XKR8: variants seen among roughly 807,000 people sequenced by gnomAD.
XKR8 encodes XK-related protein 8.
XKR8 carries 10 observed loss-of-function variants against 17.1 expected under a neutral mutation model. The ratio of observed to expected loss-of-function variants is 0.59; its 90% CI spans 0.36 to 0.99. The LOEUF is 0.99. XKR8 is among the 50% of genes least tolerant of loss of function. The pLI, the probability that XKR8 is intolerant of heterozygous loss-of-function variation, is 0.01. For missense variants in XKR8, 411 were observed against 515.6 expected (o/e 0.80, Z 1.96); for synonymous variants, 213 against 251.9 (o/e 0.85, Z 1.46).
In XKR8 at chr1:27,960,616, G is replaced by A. The variant is rs1455097196; in HGVS notation, c.293+254G>A. 1.3e-5 allele frequency among the ~76,000 whole-genome samples: 2 copies of A among 152,220 alleles called. No individual in the cohort carries two copies. Among genetic ancestry groups the A allele is most frequent in the Non-Finnish European group, 2.9e-5 (2 of 68,030 alleles). ...GCCCAGGGAAGAAAGGGAGGCGCAT[G>A]GGCTTTGAAGTCGGACCTCTCAGGG... On this transcript the variant is annotated intron_variant, in intron 1 of 2. Transcript: ENST00000373884. The surrounding 1 kb of genome is among the most constrained non-coding windows in gnomAD (Gnocchi z 5.9).
Position 27,960,342 on chromosome 1 carries a change from G to A in XKR8, c.273G>A (p.Leu91=), listed in dbSNP as rs895259963. The change falls in exon 1 of 3, where the codon CTG becomes CTA. Residue 91 remains leucine, a synonymous_variant. Transcript: ENST00000373884. The surrounding 1 kb of genome is among the most constrained non-coding windows in gnomAD (Gnocchi z 5.9). Reference sequence around the variant, plus strand: ...GCTGCCTGGCGCTGCTGCATCTCCTGCAGCTGGGTTACCTGTACAGGTGAG... The same window carrying A: ...GCTGCCTGGCGCTGCTGCATCTCCTACAGCTGGGTTACCTGTACAGGTGAG... ...PRRCLALLHL[L]QLGYLYRCVQ... The A allele has an allele frequency of 7.0e-7, 1 of 1,419,124 alleles. No homozygotes were observed. The highest frequency in any genetic ancestry group is 3.0e-5 in the Admixed American group (1 of 33,056). The allele number at this position is 1,419,124 out of a possible 1,614,324, so 87.9% of individuals were successfully genotyped here. A position where few individuals can be genotyped will look rare whatever the true frequency, so the allele number is the denominator to read the frequency against.
chr1:27,965,428 T>G lies in XKR8; in HGVS notation c.491-1075T>G, dbSNP rs1347187226. On this transcript the variant is annotated intron_variant, in intron 2 of 2. Transcript: ENST00000373884. The surrounding 1 kb of genome is among the most constrained non-coding windows in gnomAD (Gnocchi z 4.1). ...AGGAGCCCAGAGATAAGGAAATAGA[T>G]AATTACTGTGTGATGAGACTCCAGA... Among the ~76,000 whole-genome samples the G allele has an allele frequency of 1.3e-5, 2 of 152,126 alleles. No individual in the cohort carries two copies.
chr1:27,960,559 C>T lies in XKR8; in HGVS notation c.293+197C>T, dbSNP rs951918321. 8.5e-5 allele frequency among the ~76,000 whole-genome samples: 13 copies of T among 152,194 alleles called. No homozygotes were observed. Among genetic ancestry groups the T allele is most frequent in the African/African-American group, 3.1e-4 (13 of 41,466 alleles). On this transcript the variant is annotated intron_variant, in intron 1 of 2. Transcript: ENST00000373884. This position sits in a 1 kb window ranked among gnomAD's most constrained non-coding sequence, Gnocchi z 5.9. ...CCGGTAGACTGCCTTCATTCTAGCC[C>T]TAGCTTTCCTGGCACAGGCGAAGAA...
In XKR8 at chr1:27,966,695, A is replaced by G. The variant is rs1638578792; in HGVS notation, c.683A>G (p.Tyr228Cys). ...VALFSALFPSYVALHFLGLWL... is the reference protein window; with the variant it reads ...VALFSALFPSCVALHFLGLWL... Reference sequence around the variant, plus strand: ...CTGTTCTCAGCCCTCTTCCCCAGCTATGTGGCCCTGCACTTCCTGGGCCTG... The same window carrying G: ...CTGTTCTCAGCCCTCTTCCCCAGCTGTGTGGCCCTGCACTTCCTGGGCCTG... The change falls in exon 3 of 3, where the codon TAT becomes TGT. Residue 228 changes from tyrosine to cysteine, a missense_variant. Physicochemically the swap from Tyr to Cys is radical, Grantham distance 194 (BLOSUM62 -2). Coordinates refer to ENST00000373884, the MANE Select transcript of XKR8 (RefSeq NM_018053.4). This position sits in a 1 kb window ranked among gnomAD's most constrained non-coding sequence, Gnocchi z 4.3. 1 of 1,613,870 alleles carries G rather than the reference A, an allele frequency of 6.2e-7. No homozygotes were observed.
chr1:27,960,145 G>C lies in XKR8; in HGVS notation c.76G>C (p.Asp26His). 1 of 1,523,276 alleles carries C rather than the reference G, an allele frequency of 6.6e-7. No individual in the cohort carries two copies. Among genetic ancestry groups the C allele is most frequent in the Non-Finnish European group, 8.8e-7 (1 of 1,142,414 alleles). The allele number at this position is 1,523,276 out of a possible 1,614,324, so 94.4% of individuals were successfully genotyped here. ...GVLGTAAFLL[D>H]LGTDLWAAVQ... ...GCTGGGCACCGCCGCCTTCCTGCTC[G>C]ACCTGGGCACCGACCTGTGGGCCGC... Residue 26 changes from aspartate (D) to histidine (H), a missense_variant, in exon 1 of 3, where the codon GAC becomes CAC. Asp to His is a moderately conservative substitution (Grantham distance 81). Transcript: ENST00000373884. This position sits in a 1 kb window ranked among gnomAD's most constrained non-coding sequence, Gnocchi z 5.9.
chr1:27,966,528 G>T lies in XKR8; in HGVS notation c.516G>T (p.Leu172=). ...GGGTTGGCATCTGCACATCCTTCCT[G>T]GGCATCTCGTGGGCACTGCTCGACT... ...YQWVGICTSF[L]GISWALLDYH... The change falls in exon 3 of 3, where the codon CTG becomes CTT. Residue 172 remains leucine, a synonymous_variant. Coordinates refer to ENST00000373884, the MANE Select transcript of XKR8 (RefSeq NM_018053.4). This position sits in a 1 kb window ranked among gnomAD's most constrained non-coding sequence, Gnocchi z 4.3. 6.2e-7 allele frequency: 1 copy of T among 1,613,684 alleles called. No individual in the cohort carries two copies. The highest frequency in any genetic ancestry group is 8.5e-7 in the Non-Finnish European group (1 of 1,179,784).
chr1:27,960,078 G>A lies in XKR8; in HGVS notation c.9G>A (p.Trp3Ter). The A allele has an allele frequency of 6.8e-7, 1 of 1,461,652 alleles. No homozygotes were observed. The highest frequency in any genetic ancestry group is 1.3e-5 in the South Asian group (1 of 74,672). 90.5% of individuals were successfully genotyped at this position (1,461,652 alleles called of 1,614,324 possible). A position where few individuals can be genotyped will look rare whatever the true frequency, so the allele number is the denominator to read the frequency against. The change falls in exon 1 of 3, where the codon TGG (tryptophan) becomes TGA (stop). Residue 3 changes from tryptophan (W) to a stop codon, truncating the protein, a stop_gained. Transcript: ENST00000373884. LOFTEE classifies it high-confidence loss of function. The surrounding 1 kb of genome is among the most constrained non-coding windows in gnomAD (Gnocchi z 5.9). MP[W>*]SSRGALLRDL... ...GCGGAGGCCGGCGGGCCATGCCCTG[G>A]TCGTCCCGCGGCGCCCTCCTTCGGG... is the stretch of plus-strand genomic sequence containing the variant.
Position 27,966,780 on chromosome 1 carries a change from C to A in XKR8, c.768C>A (p.Ser256Arg). 6.2e-7 allele frequency: 1 copy of A among 1,613,938 alleles called. No homozygotes were observed. Among genetic ancestry groups the A allele is most frequent in the Non-Finnish European group, 8.5e-7 (1 of 1,179,940 alleles). Reference protein sequence around the residue: ...LQGTDFMPDPSSEWLYRVTVA... With the variant: ...LQGTDFMPDPRSEWLYRVTVA... ...GCACAGACTTCATGCCGGACCCCAGCTCCGAGTGGCTGTACCGGGTGACGG... is the reference window on the plus strand; with the variant it reads ...GCACAGACTTCATGCCGGACCCCAGATCCGAGTGGCTGTACCGGGTGACGG... The change falls in exon 3 of 3, where the codon AGC (serine) becomes AGA (arginine). Residue 256 changes from serine (S) to arginine (R), a missense_variant. Transcript: ENST00000373884. The surrounding 1 kb of genome is among the most constrained non-coding windows in gnomAD (Gnocchi z 4.3).
intron 2 of XKR8, among the ~76,000 whole-genome samples, chr1:27,963,908 A>T (rs1263424553): frequency 1.3e-5 from 2 of 152,230 alleles, no homozygotes; most frequent in African/African-American, 2.4e-5. Flanking sequence ...CTCATCTGAA[A>T]TATGGGCTTA....
rs1638613702 is a variant in XKR8, at chr1:27,967,932, C to T, written c.*732C>T. On this transcript the variant is annotated 3_prime_UTR_variant, in exon 3 of 3. Coordinates refer to ENST00000373884, the MANE Select transcript of XKR8 (RefSeq NM_018053.4). The surrounding 1 kb of genome is among the most constrained non-coding windows in gnomAD (Gnocchi z 4.3). ...AGAGCCTTGTGAGCCTGGTCTGAGC[C>T]TTGCACAGCCACTGAGTATTTTTTT... 6.5e-6 allele frequency: 1 copy of T among 152,686 alleles called. No individual in the cohort carries two copies. The highest frequency in any genetic ancestry group is 1.5e-5 in the Non-Finnish European group (1 of 68,066). 9.5% of individuals were successfully genotyped at this position (152,686 alleles called of 1,614,324 possible). A position where few individuals can be genotyped will look rare whatever the true frequency, so the allele number is the denominator to read the frequency against.
At chr1:27,963,822 C>G in intron 2 of XKR8, 129 bp downstream of exon 2, 1 of 1,006,074 alleles carries the variant, frequency 9.9e-7, no homozygotes, top group Non-Finnish European at 1.4e-6. Flanking sequence ...TCAGGCAGAT[C>G]TGGCTTGAAA....
chr1:27,966,965 T>C lies in XKR8; in HGVS notation c.953T>C (p.Leu318Pro). Residue 318 changes from leucine to proline, a missense_variant, in exon 3 of 3, where the codon CTG becomes CCG. Coordinates refer to ENST00000373884, the MANE Select transcript of XKR8 (RefSeq NM_018053.4). This position sits in a 1 kb window ranked among gnomAD's most constrained non-coding sequence, Gnocchi z 4.3. ...SWLPSGIPLQ[L>P]WLPVGCGCFF... ...CTGCCCAGCGGGATTCCACTGCAGC[T>C]GTGGCTGCCTGTGGGATGCGGCTGC... is the stretch of plus-strand genomic sequence containing the variant. 1.9e-6 allele frequency: 3 copies of C among 1,614,196 alleles called. No homozygotes were observed. The highest frequency in any genetic ancestry group is 3.3e-4 in the Middle Eastern group (2 of 6,062).
chr1:27,960,927 A>C lies in XKR8; in HGVS notation c.293+565A>C, dbSNP rs916591967. On this transcript the variant is annotated intron_variant, in intron 1 of 2. Transcript: ENST00000373884. This position sits in a 1 kb window ranked among gnomAD's most constrained non-coding sequence, Gnocchi z 5.9. ...TTGCTGTTCCCATTGGGATGGGGAT[A>C]GCGCCTGCCCGTTTGGTGAAGATGC... 6.6e-6 allele frequency among the ~76,000 whole-genome samples: 1 copy of C among 152,118 alleles called. No individual in the cohort carries two copies. The highest frequency in any genetic ancestry group is 2.4e-5 in the African/African-American group (1 of 41,426).
Position 27,960,770 on chromosome 1 carries a change from C to T in XKR8, c.293+408C>T, listed in dbSNP as rs954296863. On this transcript the variant is annotated intron_variant, in intron 1 of 2. Coordinates refer to ENST00000373884, the MANE Select transcript of XKR8 (RefSeq NM_018053.4). The surrounding 1 kb of genome is among the most constrained non-coding windows in gnomAD (Gnocchi z 5.9). ...GGGCAGGCCTGTTGTGAAGAGTGAG[C>T]GAAAGAATGAGAAAGTGCCTCGCAC... Among the ~76,000 whole-genome samples, 74 of 152,268 alleles carry T rather than the reference C, an allele frequency of 4.9e-4. No homozygotes were observed. Among genetic ancestry groups the T allele is most frequent in the Non-Finnish European group, 9.7e-4 (66 of 68,028 alleles).
At chr1:27,963,725 C>A (rs776886325) in intron 2 of XKR8, 32 bp downstream of exon 2, 2 of 1,483,362 alleles carry the variant, frequency 1.3e-6, no homozygotes, top group Middle Eastern at 2.0e-4. Flanking sequence ...GCCCCCCTGT[C>A]GTGGCTTGGT....
At chr1:27,961,237 T>C (rs1340195041) in intron 1 of XKR8, among the ~76,000 whole-genome samples, 1 of 152,132 alleles carries the variant, frequency 6.6e-6, no homozygotes, top group African/African-American at 2.4e-5. Flanking sequence ...AAAATGTGTG[T>C]GGATTCTGCT....
chr1:27,963,063 C>T (rs1358192275), intron 1 of XKR8, among the ~76,000 whole-genome samples: 3 of 151,356 alleles, frequency 2.0e-5, no homozygotes, highest in Non-Finnish European at 4.4e-5. Context: ...CTTGTTCTGT[C>T]GCCAGGCTGG....
chr1:27,967,131 C>T lies in XKR8; in HGVS notation c.1119C>T (p.Arg373=). The change falls in exon 3 of 3, where the codon CGC becomes CGT. Residue 373 remains arginine (R), a synonymous_variant. Coordinates refer to ENST00000373884, the MANE Select transcript of XKR8 (RefSeq NM_018053.4). The surrounding 1 kb of genome is among the most constrained non-coding windows in gnomAD (Gnocchi z 4.3). ...PEGYQLPQNR[R]MTHLAQKFFP... is the part of the protein sequence containing the mutation. ...GGTATCAGCTGCCTCAGAACAGGCG[C>T]ATGACCCATTTAGCACAGAAGTTTT... 6.2e-7 allele frequency: 1 copy of T among 1,607,060 alleles called. No homozygotes were observed. The highest frequency in any genetic ancestry group is 1.1e-5 in the South Asian group (1 of 90,386).
In XKR8 at chr1:27,966,596, T is replaced by C. The variant is rs1235076447; in HGVS notation, c.584T>C (p.Leu195Pro). ...ACCTGCCTCCCCTCCAAGCCGCTCC[T>C]GGGCCTGGGCTCCTCCGTGATCTAC... is the stretch of plus-strand genomic sequence containing the variant. The part of the protein sequence containing the change: ...LRTCLPSKPL[L>P]GLGSSVIYFL... The change falls in exon 3 of 3, where the codon CTG (leucine) becomes CCG (proline). Residue 195 changes from leucine to proline, a missense_variant. By Grantham distance (98) the Leu-to-Pro change is moderately conservative. Coordinates refer to ENST00000373884, the MANE Select transcript of XKR8 (RefSeq NM_018053.4). This position sits in a 1 kb window ranked among gnomAD's most constrained non-coding sequence, Gnocchi z 4.3. The C allele has an allele frequency of 8.7e-6, 14 of 1,614,016 alleles. No individual in the cohort carries two copies. The highest frequency in any genetic ancestry group is 1.2e-5 in the Non-Finnish European group (14 of 1,180,022).
Sources: allele counts gnomAD v4.1 joint callset (sites outside exome capture counted in the v4.1 genomes callset), GRCh38; gene constraint gnomAD v4.1.1; non-coding constraint Gnocchi (gnomAD v3.1); transcripts MANE v1.5; gene names NCBI Gene and HGNC (gene_info 2026-07-23, HGNC 2026-07-21).